PRR16: variants seen among roughly 807,000 people sequenced by gnomAD.
PRR16 encodes proline rich 16.
PRR16 carries 6 observed loss-of-function variants against 18.2 expected under a neutral mutation model. The ratio of observed to expected loss-of-function variants is 0.33; its 90% CI spans 0.18 to 0.65. PRR16 has a LOEUF of 0.65. PRR16 is among the 30% of genes least tolerant of loss of function. PRR16 has a pLI of 0.74. For synonymous variants in PRR16, 151 were observed against 147.8 expected, an observed-to-expected ratio of 1.02 and a Z score of -0.16; for missense variants, 412 against 376.6, an observed-to-expected ratio of 1.09 and a Z score of -0.78.
intron 1 of PRR16, among the ~76,000 whole-genome samples, chr5:120,651,662 G>A (rs1052724958): frequency 9.2e-5 from 14 of 151,940 alleles, no homozygotes; most frequent in African/African-American, 3.4e-4. Context: ...TATTTCTGAG[G>A]TCTCTGTTCT....
At chr5:120,661,401 T>C (rs1209733472) in intron 1 of PRR16, among the ~76,000 whole-genome samples, 2 of 152,096 alleles carry the variant, frequency 1.3e-5, no homozygotes, top group East Asian at 3.9e-4. Flanking sequence ...GATAATTTCT[T>C]AGTGGCAATT....
chr5:120,649,438 G>A (rs1755702068), intron 1 of PRR16, among the ~76,000 whole-genome samples: 1 of 152,094 alleles, frequency 6.6e-6, no homozygotes. Flanking sequence ...ATCTATTTTT[G>A]AGGATCATTG....
rs556143579 is a variant in PRR16, at chr5:120,607,092, AT to A, written c.160-78853del. Among the ~76,000 whole-genome samples, 56 of 151,714 alleles carry A rather than the reference AT, an allele frequency of 3.7e-4. No individual in the cohort carries two copies. In the South Asian group the frequency reaches 0.011, roughly 31 times the overall value. ...ATGTAGAAATTTTAAGTATCAGTGA[AT>A]TTTTTTTTGTAATCGCCTCATTGAA... On this transcript the variant is annotated intron_variant, in intron 1 of 1. Transcript: ENST00000407149.
chr5:120,701,674 G>T, the PRR16 span, among the ~76,000 whole-genome samples: 1 of 152,210 alleles, frequency 6.6e-6, no homozygotes, highest in African/African-American at 2.4e-5. Context: ...GAGGTCAGAT[G>T]GGTCTGTAGA....
chr5:120,533,268 G>A (rs1057031460), intron 1 of PRR16, among the ~76,000 whole-genome samples: 3 of 152,044 alleles, frequency 2.0e-5, no homozygotes, highest in Non-Finnish European at 4.4e-5. Flanking sequence ...ATATTTATTG[G>A]GTGTCTATTA....
chr5:120,785,524 C>T, the PRR16 span, among the ~76,000 whole-genome samples: 1 of 149,234 alleles, frequency 6.7e-6, no homozygotes, highest in African/African-American at 2.5e-5. Flanking sequence ...ATTTGATTTA[C>T]TTGTACACAT....
the PRR16 span, among the ~76,000 whole-genome samples, chr5:120,755,474 C>G: frequency 1.3e-5 from 2 of 152,048 alleles, no homozygotes; most frequent in African/African-American, 4.8e-5. Flanking sequence ...TATGTGAGAA[C>G]ATGCAGTATT....
rs1042464450 is a variant in PRR16 at position 120,686,624 on chromosome 5, C to T, written c.830C>T (p.Pro277Leu). 3.1e-6 allele frequency: 5 copies of T among 1,609,070 alleles called. No individual in the cohort carries two copies. The highest frequency in any genetic ancestry group is 4.2e-6 in the Non-Finnish European group (5 of 1,177,044). Residue 277 changes from proline to leucine, a missense_variant, in exon 2 of 2, where the codon CCT becomes CTT. Physicochemically the swap from Pro to Leu is moderately conservative, Grantham distance 98. Coordinates refer to ENST00000407149, the MANE Select transcript of PRR16 (RefSeq NM_001300783.2). The part of the protein sequence containing the change: ...MGISHSNSFP[P>L]IRPATVPPPT... Reference sequence around the variant, plus strand: ...ATAAGCCACAGTAACAGCTTCCCCCCTATCAGACCTGCAACTGTGCCTCCT... The same window carrying T: ...ATAAGCCACAGTAACAGCTTCCCCCTTATCAGACCTGCAACTGTGCCTCCT...
At chr5:120,702,454 G>A in the PRR16 span, among the ~76,000 whole-genome samples, 1 of 151,944 alleles carries the variant, frequency 6.6e-6, no homozygotes, top group Admixed American at 6.6e-5. Context: ...AAGCAGAGAA[G>A]GGGTAGAGAC....
chr5:120,557,153 A>G (rs1752440109), intron 1 of PRR16, among the ~76,000 whole-genome samples: 1 of 151,836 alleles, frequency 6.6e-6, no homozygotes, highest in African/African-American at 2.4e-5. Flanking sequence ...AAGAGGGGGA[A>G]ATTTTCTTAA....
In PRR16 at chr5:120,672,426, G is replaced by A. The variant is rs72798424; in HGVS notation, c.160-13528G>A. ...GGTGGCACAGGAGCCTCCTGGTGTG[G>A]ATGGCAGGACCTGGATCCTGGGAGT... On this transcript the variant is annotated intron_variant, in intron 1 of 1. Coordinates refer to ENST00000407149, the MANE Select transcript of PRR16 (RefSeq NM_001300783.2). Among the ~76,000 whole-genome samples, 1,449 of 152,058 alleles carry A rather than the reference G, an allele frequency of 9.5e-3. 16 individuals carry two copies. The highest frequency in any genetic ancestry group is 0.017 in the Non-Finnish European group (1,123 of 67,966).
chr5:120,739,811 CCTT>C, the PRR16 span, among the ~76,000 whole-genome samples: 1 of 152,032 alleles, frequency 6.6e-6, no homozygotes, highest in Non-Finnish European at 1.5e-5. Flanking sequence ...ATATTTTTAG[CCTT>C]CTAGAAATTC....
intron 1 of PRR16, chr5:120,658,311 T>C (rs1329158125): frequency 6.8e-6 from 1 of 147,896 alleles, no homozygotes; most frequent in East Asian, 2.0e-4. Context: ...AGGTTTTCGA[T>C]ATTTCTGCAG....
rs143856137 is a variant in PRR16, at chr5:120,566,736, T to G, written c.159+102091T>G. On this transcript the variant is annotated intron_variant, in intron 1 of 1. Transcript: ENST00000407149. ...AAGGGCATGTACTTTACAGTAAGAT[T>G]CTTTTCTCTCAATGTCCATGCTTGT... 5.0e-3 allele frequency among the ~76,000 whole-genome samples: 768 copies of G among 152,322 alleles called. 5 individuals carry two copies. The highest frequency in any genetic ancestry group is 6.2e-3 in the Non-Finnish European group (419 of 68,028).
At position 120,603,569 on chromosome 5, in the gene PRR16, C is replaced by T. The variant is rs374340469; in HGVS notation, c.160-82385C>T. ...TGTCTCAATTTTATTCATTTCAGAT[C>T]TGATTTTTGTCATTTCTTTACTTCT... On this transcript the variant is annotated intron_variant, in intron 1 of 1. Transcript: ENST00000407149. Among the ~76,000 whole-genome samples the T allele has an allele frequency of 1.8e-4, 28 of 151,962 alleles. No individual in the cohort carries two copies. The South Asian group carries it at 5.8e-3, about 32-fold the overall frequency.
At chr5:120,690,248 T>C (rs1757193127), downstream of PRR16, among the ~76,000 whole-genome samples, 1 of 152,192 alleles carries the variant, frequency 6.6e-6, no homozygotes, top group African/African-American at 2.4e-5. Context: ...AGTCTAACTA[T>C]AGCTCTTTTT....
intron 1 of PRR16, among the ~76,000 whole-genome samples, chr5:120,579,782 C>T (rs1182368583): frequency 6.6e-6 from 1 of 152,068 alleles, no homozygotes; most frequent in African/African-American, 2.4e-5. Flanking sequence ...TGAAGAATGT[C>T]AATGGTAGTT....
chr5:120,540,630 C>A (rs1281689283), intron 1 of PRR16, among the ~76,000 whole-genome samples: 1 of 152,162 alleles, frequency 6.6e-6, no homozygotes, highest in African/African-American at 2.4e-5. Context: ...CCAACTCTTT[C>A]CCATCCTTCA....
intron 1 of PRR16, among the ~76,000 whole-genome samples, chr5:120,521,494 T>C (rs1461275317): frequency 6.6e-6 from 1 of 152,148 alleles, no homozygotes; most frequent in Non-Finnish European, 1.5e-5. Context: ...GGGCTCATTT[T>C]TTTTCTTAAC....
Sources: allele counts gnomAD v4.1 joint callset (sites outside exome capture counted in the v4.1 genomes callset), GRCh38; gene constraint gnomAD v4.1.1; transcripts MANE v1.5; gene names NCBI Gene and HGNC (gene_info 2026-07-23, HGNC 2026-07-21).